The following FIRRM variants were observed in gnomAD, a reference collection of about 807,000 sequenced individuals.
The protein encoded by FIRRM is FIGNL1-interacting regulator of recombination and mitosis.
chr1:169,843,041 G>C, the FIRRM span, among the ~76,000 whole-genome samples: 14 of 152,282 alleles, frequency 9.2e-5, no homozygotes, highest in Non-Finnish European at 1.6e-4. Context: ...GTGTTTCTTA[G>C]TTTGAAAATA....
At chr1:169,795,271 T>C in the FIRRM span, 1 of 1,509,956 alleles carries the variant, frequency 6.6e-7, no homozygotes, top group Non-Finnish European at 8.9e-7. Context: ...GTCGCGAACC[T>C]TTCTCTTCTG....
chr1:169,788,607 C>T, the FIRRM span, among the ~76,000 whole-genome samples: 4 of 152,132 alleles, frequency 2.6e-5, no homozygotes, highest in African/African-American at 7.2e-5. Context: ...GGCACCCCTG[C>T]CCCCATGTTG....
chr1:169,815,295 CA>C, the FIRRM span, among the ~76,000 whole-genome samples: 246 of 110,386 alleles, frequency 2.2e-3, no homozygotes, highest in Admixed American at 2.4e-3. Context: ...GACTCTGTCT[CA>C]AAAAAAAAAA....
chr1:169,824,085 C>G, the FIRRM span, among the ~76,000 whole-genome samples: 1 of 152,174 alleles, frequency 6.6e-6, no homozygotes, highest in Non-Finnish European at 1.5e-5. Context: ...CCTTTCCTTC[C>G]TCAAACTTCC....
At chr1:169,843,642 A>G in the FIRRM span, 1 of 1,390,754 alleles carries the variant, frequency 7.2e-7, no homozygotes, top group African/African-American at 1.4e-5. Context: ...GTGATTGAAA[A>G]TTTTTCTTCA....
the FIRRM span, chr1:169,850,980 C>CTTTTTTTTTTTTTTTTT: frequency 2.5e-4 from 8 of 31,580 alleles, 1 homozygote; most frequent in Admixed American, 5.7e-4. Flanking sequence ...TTAGGCATGG[C>CTTTTTTTTTTTTTTTTT]TTTTTTTTTT....
chr1:169,807,204 C>T, the FIRRM span, among the ~76,000 whole-genome samples: 9 of 152,272 alleles, frequency 5.9e-5, no homozygotes, highest in South Asian at 1.9e-3. Flanking sequence ...AGAGTCTTTT[C>T]GTGGTTTTTC....
the FIRRM span, chr1:169,850,709 T>C: frequency 1.1e-5 from 2 of 174,090 alleles, no homozygotes; most frequent in East Asian, 1.5e-4. Context: ...GGCAGGAGAA[T>C]TGCTTGAACT....
the FIRRM span, among the ~76,000 whole-genome samples, chr1:169,822,846 C>T: frequency 1.3e-5 from 2 of 152,306 alleles, no homozygotes; most frequent in East Asian, 3.9e-4. Context: ...TGATGACTCT[C>T]AAATACGCAG....
the FIRRM span, chr1:169,830,207 C>T: frequency 1.4e-6 from 2 of 1,393,558 alleles, no homozygotes; most frequent in Admixed American, 3.6e-5. Context: ...AATATTATTG[C>T]TTATTGTGAA....
At chr1:169,802,813 T>G in the FIRRM span, 41 of 720,290 alleles carry the variant, frequency 5.7e-5, no homozygotes, top group Admixed American at 1.0e-4. Flanking sequence ...CTATGTATTC[T>G]TATGTAATGG....
the FIRRM span, among the ~76,000 whole-genome samples, chr1:169,788,037 C>A: frequency 6.6e-6 from 1 of 152,216 alleles, no homozygotes; most frequent in Non-Finnish European, 1.5e-5. Flanking sequence ...TTCCCCCTAT[C>A]ATGGGGCTGA....
the FIRRM span, chr1:169,851,867 G>A: frequency 1.2e-6 from 2 of 1,614,052 alleles, no homozygotes; most frequent in South Asian, 2.2e-5. Flanking sequence ...GTGTGAAACA[G>A]GAAAAAGGTA....
the FIRRM span, among the ~76,000 whole-genome samples, chr1:169,788,596 G>A: frequency 6.6e-6 from 1 of 152,076 alleles, no homozygotes; most frequent in African/African-American, 2.4e-5. Flanking sequence ...GCAGGGGGGT[G>A]GGCACCCCTG....
the FIRRM span, among the ~76,000 whole-genome samples, chr1:169,841,426 G>A: frequency 6.6e-6 from 1 of 152,198 alleles, no homozygotes; most frequent in African/African-American, 2.4e-5. Context: ...TTAAGAAGTT[G>A]TATGGTAATT....
At chr1:169,818,046 C>T in the FIRRM span, among the ~76,000 whole-genome samples, 1 of 152,296 alleles carries the variant, frequency 6.6e-6, no homozygotes, top group South Asian at 2.1e-4. Flanking sequence ...TCCTATCCCC[C>T]TTTAATCTAG....
chr1:169,804,226 T>A, the FIRRM span: 1 of 1,558,564 alleles, frequency 6.4e-7, no homozygotes, highest in Non-Finnish European at 8.7e-7. Context: ...GATGATATTT[T>A]GAATATGGTA....
the FIRRM span, chr1:169,852,548 A>G: frequency 1.9e-6 from 1 of 517,790 alleles, no homozygotes; most frequent in Non-Finnish European, 3.4e-6. Context: ...TTGGGACAGG[A>G]TACTTGTTGT....
chr1:169,807,497 G>T, the FIRRM span, among the ~76,000 whole-genome samples: 1 of 152,168 alleles, frequency 6.6e-6, no homozygotes, highest in South Asian at 2.1e-4. Context: ...TTTCATGCAG[G>T]TAAGGCGGAG....
Sources: gnomAD v4.1 joint callset for allele counts (sites outside exome capture counted in the v4.1 genomes callset) on GRCh38, gnomAD v4.1.1 for gene constraint, MANE v1.5 for transcripts, NCBI Gene and HGNC (gene_info 2026-07-23, HGNC 2026-07-21) for gene names.